The following GSDME variants were observed in gnomAD, a reference collection of about 807,000 sequenced individuals.
The protein encoded by GSDME is gasdermin E, also known as gasdermin-E.
Under a neutral mutation model 47.5 loss-of-function variants are expected in GSDME, and 44 were observed. That is an observed-to-expected ratio of 0.93 (90% CI 0.73 to 1.19). The LOEUF (loss-of-function observed/expected upper bound fraction) is 1.19. GSDME is among the 50% of genes most tolerant of loss of function. GSDME has a pLI of 0.00. For missense variants in GSDME, 663 were observed against 604.2 expected, an observed-to-expected ratio of 1.10 and a Z score of -1.02; for synonymous variants, 258 against 252.8, an observed-to-expected ratio of 1.02 and a Z score of -0.20.
At chr7:24,727,180 G>T (rs1019255517) in intron 3 of GSDME, among the ~76,000 whole-genome samples, 9 of 152,194 alleles carry the variant, frequency 5.9e-5, no homozygotes, top group African/African-American at 2.2e-4. Flanking sequence ...CAGTGTCTCT[G>T]CTCATTAGTG....
intron 5 of GSDME, 134 bp downstream of exon 5, chr7:24,717,120 T>C (rs1355921260): frequency 9.9e-7 from 1 of 1,013,930 alleles, no homozygotes. Context: ...TGGGACAATC[T>C]ACGCTCTTCA....
the GSDME span, among the ~76,000 whole-genome samples, chr7:24,781,725 T>A: frequency 6.6e-6 from 1 of 150,968 alleles, no homozygotes; most frequent in Non-Finnish European, 1.5e-5. Context: ...TAACCTATTA[T>A]ATGTTAATGA....
At chr7:24,722,843 G>C (rs377642556) in intron 3 of GSDME, among the ~76,000 whole-genome samples, 7 of 152,230 alleles carry the variant, frequency 4.6e-5, no homozygotes, top group African/African-American at 1.7e-4. Flanking sequence ...TGCTGTATCC[G>C]ATGACAGGGC....
In GSDME at chr7:24,726,000, G is replaced by A. The variant is rs1269131528; in HGVS notation, c.405-6782C>T. On this transcript the variant is annotated intron_variant, in intron 3 of 9. Transcript: ENST00000645220. The surrounding 1 kb of genome is among the most constrained non-coding windows in gnomAD (Gnocchi z 5.1). ...CATGATACAGGACGAGAGATGGCTG[G>A]AAAAGGAGACCAGGCAGGAGCTGCT... 6.6e-6 allele frequency among the ~76,000 whole-genome samples: 1 copy of A among 152,104 alleles called. No homozygotes were observed. The highest frequency in any genetic ancestry group is 1.5e-5 in the Non-Finnish European group (1 of 68,026).
chr7:24,763,208 T>G, the GSDME span, among the ~76,000 whole-genome samples: 1 of 152,180 alleles, frequency 6.6e-6, no homozygotes, highest in Non-Finnish European at 1.5e-5. This position sits in a 1 kb window ranked among gnomAD's most constrained non-coding sequence, Gnocchi z 4.3. Context: ...ATAGCAAAAC[T>G]AGCACAAATT....
intron 3 of GSDME, among the ~76,000 whole-genome samples, chr7:24,731,050 A>G (rs1790127749): frequency 1.3e-5 from 2 of 152,202 alleles, no homozygotes; most frequent in Admixed American, 6.5e-5. Context: ...AATTGGCAGA[A>G]TTTCAGATAG....
chr7:24,784,896 G>A, the GSDME span, among the ~76,000 whole-genome samples: 1 of 152,044 alleles, frequency 6.6e-6, no homozygotes, highest in Non-Finnish European at 1.5e-5. Flanking sequence ...TGATTGGATG[G>A]TGCCCACCCA....
At chr7:24,767,687 G>A in the GSDME span, among the ~76,000 whole-genome samples, 1 of 151,698 alleles carries the variant, frequency 6.6e-6, no homozygotes, top group African/African-American at 2.4e-5. The surrounding 1 kb of genome is among the most constrained non-coding windows in gnomAD (Gnocchi z 5.3). Context: ...AGTCATTGTA[G>A]GGCTAAGAAA....
At chr7:24,789,621 C>G in the GSDME span, among the ~76,000 whole-genome samples, 2 of 152,178 alleles carry the variant, frequency 1.3e-5, no homozygotes, top group African/African-American at 2.4e-5. Context: ...TTTTAACTAC[C>G]AGGCCCAGGG....
At chr7:24,708,022 G>T (rs1437097984) in intron 7 of GSDME, 105 bp downstream of exon 7, 3 of 1,415,350 alleles carry the variant, frequency 2.1e-6, no homozygotes, top group East Asian at 2.3e-5. Flanking sequence ...ACAGCTGTAG[G>T]GAGAAAAGGA....
intron 7 of GSDME, 101 bp from the exon 8 acceptor site, chr7:24,706,477 T>TC (rs1225102472): frequency 8.4e-7 from 1 of 1,195,680 alleles, no homozygotes; most frequent in Non-Finnish European, 1.2e-6. Context: ...CCCTTCCCAC[T>TC]CCCCCGAGGA....
chr7:24,731,661 T>C (rs1008920970), intron 3 of GSDME, among the ~76,000 whole-genome samples: 2 of 152,254 alleles, frequency 1.3e-5, no homozygotes, highest in African/African-American at 2.4e-5. Flanking sequence ...CAGTTACAAC[T>C]AATGAGAACT....
intron 9 of GSDME, chr7:24,702,530 G>A (rs909079307): frequency 4.4e-5 from 21 of 477,606 alleles, no homozygotes; most frequent in African/African-American, 3.9e-4. Context: ...CAAGGATGAA[G>A]TCCTGGACCT....
chr7:24,719,292 C>T, intron 3 of GSDME, 74 bp from the exon 4 acceptor site: 6 of 1,499,214 alleles, frequency 4.0e-6, no homozygotes, highest in Non-Finnish European at 5.5e-6. Flanking sequence ...TCCTCTTGCA[C>T]AGCAGGCAGC....
At position 24,724,620 on chromosome 7, in the gene GSDME, TCA is replaced by T. The variant is rs1789906846; in HGVS notation, c.405-5404_405-5403del. 1 of 152,336 alleles carries T rather than the reference TCA, an allele frequency of 6.6e-6. No individual in the cohort carries two copies. The highest frequency in any genetic ancestry group is 1.5e-5 in the Non-Finnish European group (1 of 68,132). The allele number at this position is 152,336 out of a possible 1,614,324, so 9.4% of individuals were successfully genotyped here. Reference sequence around the variant, plus strand: ...CTCAGTCGAGAAGAACTCCCTCTCCTCACTCAGGGGCTTGGCTCAACTCCGCC... The same window carrying T: ...CTCAGTCGAGAAGAACTCCCTCTCCTCTCAGGGGCTTGGCTCAACTCCGCC... On this transcript the variant is annotated intron_variant, in intron 3 of 9. Transcript: ENST00000645220. The surrounding 1 kb of genome is among the most constrained non-coding windows in gnomAD (Gnocchi z 4.8).
Position 24,719,151 on chromosome 7 carries a change from A to T in GSDME, c.472T>A (p.Leu158Met). Residue 158 changes from leucine (L) to methionine (M), a missense_variant, in exon 4 of 10, where the codon TTG becomes ATG. Transcript: ENST00000645220. Reference protein sequence around the residue: ...LEGRNEVLCVLTQKITTMQKC... With the variant: ...LEGRNEVLCVMTQKITTMQKC... ...TGCATCGTCGTGATCTTCTGTGTCA[A>T]AACGCACAGGACCTCATTCCTTCCT... The T allele has an allele frequency of 6.2e-7, 1 of 1,613,914 alleles. No individual in the cohort carries two copies. The highest frequency in any genetic ancestry group is 2.2e-5 in the East Asian group (1 of 44,886).
chr7:24,715,348 A>G (rs2128052095), intron 5 of GSDME: 1 of 422,734 alleles, frequency 2.4e-6, no homozygotes, highest in Admixed American at 2.6e-5. Flanking sequence ...AAGTGTCCTC[A>G]CCACACACAT....
chr7:24,718,072 C>G (rs1166314260), intron 4 of GSDME, among the ~76,000 whole-genome samples: 4 of 152,242 alleles, frequency 2.6e-5, no homozygotes. Context: ...TGGCAGCTGG[C>G]CTCCTGACTC....
In GSDME at chr7:24,706,628, G is replaced by A. The variant is rs12540699; in HGVS notation, c.991-252C>T. On this transcript the variant is annotated intron_variant, in intron 7 of 9. Coordinates refer to ENST00000645220, the MANE Select transcript of GSDME (RefSeq NM_001127453.2). ...GGAACTGTGGCATAGAACCTTCCAG[G>A]GCAGGGTCTGTTGGGTAGTGCCAGG... is the stretch of plus-strand genomic sequence containing the variant. 0.057 allele frequency among the ~76,000 whole-genome samples: 8,646 copies of A among 152,216 alleles called. 304 individuals carry two copies. The highest frequency in any genetic ancestry group is 0.083 in the Non-Finnish European group (5,611 of 67,990).
Sources: gnomAD v4.1 joint callset for allele counts (sites outside exome capture counted in the v4.1 genomes callset) on GRCh38, gnomAD v4.1.1 for gene constraint, Gnocchi (gnomAD v3.1) non-coding constraint, MANE v1.5 for transcripts, NCBI Gene and HGNC (gene_info 2026-07-23, HGNC 2026-07-21) for gene names.